Variants in KLRG1 observed in about 807,000 individuals in gnomAD.
KLRG1 encodes killer cell lectin like receptor G1.
In KLRG1, 16 loss-of-function variants were observed where a neutral mutation model predicts 21.8. The observed-to-expected ratio is 0.73, with a 90% confidence interval of 0.50 to 1.11. KLRG1 has a LOEUF of 1.11. Among genes scored for constraint, KLRG1 ranks in the 50% most tolerant of loss-of-function variants. KLRG1 has a pLI of 0.00. For synonymous variants in KLRG1, 69 were observed against 75.9 expected (o/e 0.91, Z 0.47); for missense variants, 173 against 218.3 (o/e 0.79, Z 1.31).
chr12:9,100,254 C>A, the KLRG1 span, among the ~76,000 whole-genome samples: 1 of 152,134 alleles, frequency 6.6e-6, no homozygotes, highest in Non-Finnish European at 1.5e-5. Flanking sequence ...AATGACTCAG[C>A]ACAAGACCTG....
the KLRG1 span, among the ~76,000 whole-genome samples, chr12:9,044,241 G>A: frequency 4.6e-5 from 7 of 152,154 alleles, no homozygotes; most frequent in African/African-American, 1.7e-4. Flanking sequence ...AGAAACGCAT[G>A]CAAATTATAT....
chr12:9,061,912 C>T, the KLRG1 span, among the ~76,000 whole-genome samples: 1 of 152,040 alleles, frequency 6.6e-6, no homozygotes, highest in Non-Finnish European at 1.5e-5. Context: ...ACACGGAAAC[C>T]AACCCCCCAA....
At chr12:9,158,453 C>T in the KLRG1 span, 2 of 1,614,124 alleles carry the variant, frequency 1.2e-6, no homozygotes, top group South Asian at 2.2e-5. Flanking sequence ...ACCCAGAGCT[C>T]CTGAAACAGC....
the KLRG1 span, among the ~76,000 whole-genome samples, chr12:9,127,096 C>A: frequency 1.3e-5 from 2 of 152,178 alleles, no homozygotes; most frequent in South Asian, 2.1e-4. Flanking sequence ...TATTAAAGCA[C>A]CTCATTCTTC....
chr12:9,093,261 T>C, the KLRG1 span, among the ~76,000 whole-genome samples: 2 of 152,166 alleles, frequency 1.3e-5, no homozygotes, highest in African/African-American at 2.4e-5. Flanking sequence ...CACACAAAAA[T>C]AGGTAACAAT....
chr12:9,028,149 C>CTTTTTTTTTTTTTTT, the KLRG1 span: 1 of 485,008 alleles, frequency 2.1e-6, no homozygotes, highest in Non-Finnish European at 3.6e-6. Context: ...TCGTCTTCTT[C>CTTTTTTTTTTTTTTT]TTTTTTTTTT....
At chr12:8,961,823 C>T (rs1298031179) in intron 1 of KLRG1, among the ~76,000 whole-genome samples, 3 of 152,150 alleles carry the variant, frequency 2.0e-5, no homozygotes, top group Non-Finnish European at 2.9e-5. Flanking sequence ...TGGTGGCTGT[C>T]GTCTGTAATC....
At chr12:9,086,435 T>C in the KLRG1 span, among the ~76,000 whole-genome samples, 1 of 152,088 alleles carries the variant, frequency 6.6e-6, no homozygotes, top group Non-Finnish European at 1.5e-5. Context: ...AGTAAAAGGA[T>C]CATCTACCTA....
chr12:9,096,102 T>C, the KLRG1 span, among the ~76,000 whole-genome samples: 1 of 152,208 alleles, frequency 6.6e-6, no homozygotes, highest in Non-Finnish European at 1.5e-5. Context: ...ACAGGAATAA[T>C]GAACATCCGT....
At chr12:9,206,032 G>C in the KLRG1 span, among the ~76,000 whole-genome samples, 1 of 152,136 alleles carries the variant, frequency 6.6e-6, no homozygotes, top group Non-Finnish European at 1.5e-5. Context: ...TGAGTAGTAA[G>C]GTTTTGTTCT....
chr12:9,109,374 C>T, the KLRG1 span: 1 of 1,613,348 alleles, frequency 6.2e-7, no homozygotes. Flanking sequence ...TTATCTTTGG[C>T]ACTGTTACTT....
At chr12:9,126,976 C>T in the KLRG1 span, among the ~76,000 whole-genome samples, 3 of 152,278 alleles carry the variant, frequency 2.0e-5, no homozygotes, top group Middle Eastern at 3.4e-3. Context: ...TACCTTGTCC[C>T]GCGGTCTATG....
chr12:9,043,823 AG>A, the KLRG1 span, among the ~76,000 whole-genome samples: 1 of 152,238 alleles, frequency 6.6e-6, no homozygotes, highest in Non-Finnish European at 1.5e-5. Flanking sequence ...TAGTTTTTGA[AG>A]CTCTTGTTCT....
At chr12:9,130,936 A>C in the KLRG1 span, among the ~76,000 whole-genome samples, 1 of 152,138 alleles carries the variant, frequency 6.6e-6, no homozygotes, top group East Asian at 1.9e-4. Context: ...TTTAGGTCTT[A>C]TGCTTATGTC....
At chr12:9,100,884 A>G in the KLRG1 span, among the ~76,000 whole-genome samples, 1 of 152,058 alleles carries the variant, frequency 6.6e-6, no homozygotes, top group African/African-American at 2.4e-5. Context: ...GATACAATGG[A>G]CTTTGTGGAT....
the KLRG1 span, among the ~76,000 whole-genome samples, chr12:9,139,435 G>T: frequency 6.6e-6 from 1 of 152,070 alleles, no homozygotes; most frequent in African/African-American, 2.4e-5. Context: ...ATGTCTGTTT[G>T]GTCCATTTGG....
the KLRG1 span, among the ~76,000 whole-genome samples, chr12:9,063,416 A>C: frequency 1.3e-5 from 2 of 152,224 alleles, no homozygotes; most frequent in Admixed American, 6.5e-5. Context: ...TCAAAATAAA[A>C]TACAAACTAT....
the KLRG1 span, among the ~76,000 whole-genome samples, chr12:9,119,524 C>CCAGTTTGG: frequency 6.6e-6 from 1 of 151,938 alleles, no homozygotes; most frequent in Non-Finnish European, 1.5e-5. Flanking sequence ...GGAACTAGAG[C>CCAGTTTGG]CAGTTTGGCA....
the KLRG1 span, among the ~76,000 whole-genome samples, chr12:9,059,996 CTTTTTTTTTTTT>C: frequency 1.3e-5 from 1 of 75,568 alleles, no homozygotes; most frequent in Non-Finnish European, 2.5e-5. Flanking sequence ...GCCCTGGCAT[CTTTTTTTTTTTT>C]TTTTTTTTTT....
Sources: allele counts gnomAD v4.1 joint callset (sites outside exome capture counted in the v4.1 genomes callset), GRCh38; gene constraint gnomAD v4.1.1; transcripts MANE v1.5; gene names NCBI Gene and HGNC (gene_info 2026-07-23, HGNC 2026-07-21).